Variants in SMPD3 observed in about 807,000 individuals in gnomAD.
SMPD3 encodes nSMase-2.
Under a neutral mutation model 55.7 loss-of-function variants are expected in SMPD3, and 21 were observed. That is an observed-to-expected ratio of 0.38 (90% CI 0.27 to 0.54). The LOEUF (loss-of-function observed/expected upper bound fraction) is 0.54. Among genes scored for constraint, SMPD3 ranks in the 20% least tolerant of loss-of-function variants. The probability of loss-of-function intolerance (pLI) is 0.80; values close to 1 mark genes in which losing one functional copy is unlikely to be tolerated. For missense variants in SMPD3, 842 were observed against 899.6 expected, an observed-to-expected ratio of 0.94 and a Z score of 0.82; for synonymous variants, 457 against 404.3, an observed-to-expected ratio of 1.13 and a Z score of -1.56.
rs535574768 is a variant in SMPD3, at chr16:68,361,465, A to G, written c.1866+138T>C. ...GGGGCCTGGAGGACCTGGGGCCCTA[A>G]GGGTCTGAGGGAGTGATGGGTATCA... On this transcript the variant is annotated intron_variant, in intron 8 of 8. Transcript: ENST00000219334. The G allele has an allele frequency of 1.3e-5, 19 of 1,412,436 alleles. No individual in the cohort carries two copies. In the East Asian group the frequency reaches 3.4e-4, roughly 25 times the overall value. 87.5% of individuals were successfully genotyped at this position (1,412,436 alleles called of 1,614,324 possible). A position where few individuals can be genotyped will look rare whatever the true frequency, so the allele number is the denominator to read the frequency against.
chr16:68,372,025 A>C lies in SMPD3; in HGVS notation c.157T>G (p.Cys53Gly). Residue 53 changes from cysteine (C) to glycine (G), a missense_variant, in exon 3 of 9, where the codon TGC (cysteine) becomes GGC (glycine). Around this residue, in one of 2 missense-constraint regions of SMPD3, gnomAD observed 193 missense variants for 256.0 expected, o/e 0.75. Transcript: ENST00000219334. The part of the protein sequence containing the change: ...YEKRQRADDP[C>G]CLQLLCTALF... ...GCAGTGCAGAGCAGCTGCAGGCAGC[A>C]CGGGTCGTCTGCCCGCTGGCGCTTC... 6.2e-7 allele frequency: 1 copy of C among 1,611,324 alleles called. No homozygotes were observed. Among genetic ancestry groups the C allele is most frequent in the East Asian group, 2.2e-5 (1 of 44,744 alleles).
intron 1 of SMPD3, among the ~76,000 whole-genome samples, chr16:68,387,032 C>T (rs1017702077): frequency 2.0e-5 from 3 of 152,100 alleles, no homozygotes; most frequent in Non-Finnish European, 4.4e-5. Flanking sequence ...TCAAAAGCTC[C>T]AGCTGCAGGG....
chr16:68,437,014 C>A (rs1219623336), intron 1 of SMPD3, among the ~76,000 whole-genome samples: 2 of 152,208 alleles, frequency 1.3e-5, no homozygotes, highest in Non-Finnish European at 2.9e-5. Flanking sequence ...ACATTAATTC[C>A]AGAGGCGTGA....
Position 68,361,654 on chromosome 16 carries a change from G to A in SMPD3, c.1815C>T (p.Arg605=), listed in dbSNP as rs901426239. Reference sequence around the variant, plus strand: ...CCTCTGCATGCAGCATGTAGTCGATGCGCCGGCCGTTGCCCTTCAGCAGCT... The same window carrying A: ...CCTCTGCATGCAGCATGTAGTCGATACGCCGGCCGTTGCCCTTCAGCAGCT... ...RKELLKGNGR[R]IDYMLHAEEG... Residue 605 remains arginine (R), a synonymous_variant, in exon 8 of 9, where the codon CGC becomes CGT. Coordinates refer to ENST00000219334, the MANE Select transcript of SMPD3 (RefSeq NM_018667.4). 2 of 1,612,010 alleles carry A rather than the reference G, an allele frequency of 1.2e-6. No individual in the cohort carries two copies. The highest frequency in any genetic ancestry group is 2.2e-5 in the South Asian group (2 of 91,088).
At position 68,372,092 on chromosome 16, in the gene SMPD3, C is replaced by T. The variant is rs1381693553; in HGVS notation, c.90G>A (p.Leu30=). The T allele has an allele frequency of 6.2e-7, 1 of 1,612,262 alleles. No homozygotes were observed. Among genetic ancestry groups the T allele is most frequent in the Non-Finnish European group, 8.5e-7 (1 of 1,179,390 alleles). ...SWALIFPCYW[L]VDRLAASFIP... is the part of the protein sequence containing the mutation. ...TGAAGGAGGCAGCGAGCCGGTCCAC[C>T]AGCCAGTAGCATGGAAAGATAAGGG... Residue 30 remains leucine, a synonymous_variant, in exon 3 of 9, where the codon CTG becomes CTA. Coordinates refer to ENST00000219334, the MANE Select transcript of SMPD3 (RefSeq NM_018667.4).
At chr16:68,400,727 C>T (rs746683776) in intron 1 of SMPD3, among the ~76,000 whole-genome samples, 11 of 152,322 alleles carry the variant, frequency 7.2e-5, no homozygotes, top group East Asian at 1.9e-4. Context: ...GCCTCTCCAG[C>T]CCCGACAAAG....
At chr16:68,366,375 C>T (rs1044975869) in intron 3 of SMPD3, among the ~76,000 whole-genome samples, 6 of 152,230 alleles carry the variant, frequency 3.9e-5, no homozygotes, top group African/African-American at 1.2e-4. Flanking sequence ...CCCTAATGCA[C>T]AGCCTTCCTT....
intron 1 of SMPD3, among the ~76,000 whole-genome samples, chr16:68,419,894 G>A (rs1401929905): frequency 6.6e-6 from 1 of 152,110 alleles, no homozygotes; most frequent in Non-Finnish European, 1.5e-5. Context: ...GGAACTTGGA[G>A]GTCACTTTGT....
chr16:68,443,074 C>A (rs1443055076), intron 1 of SMPD3, among the ~76,000 whole-genome samples: 1 of 152,212 alleles, frequency 6.6e-6, no homozygotes, highest in Admixed American at 6.5e-5. Flanking sequence ...TCATTCCTTT[C>A]TACCCTCTTT....
At chr16:68,417,084 C>T (rs2090345746) in intron 1 of SMPD3, among the ~76,000 whole-genome samples, 1 of 152,172 alleles carries the variant, frequency 6.6e-6, no homozygotes, top group South Asian at 2.1e-4. Flanking sequence ...AGGCATTGCC[C>T]TCAGCTGAGG....
At chr16:68,396,702 G>T (rs764970019) in intron 1 of SMPD3, among the ~76,000 whole-genome samples, 2 of 152,184 alleles carry the variant, frequency 1.3e-5, no homozygotes, top group African/African-American at 2.4e-5. Flanking sequence ...TCACCAGAAG[G>T]TTCGATTCCC....
chr16:68,391,320 A>G (rs2090109174), intron 1 of SMPD3, among the ~76,000 whole-genome samples: 1 of 152,232 alleles, frequency 6.6e-6, no homozygotes, highest in Admixed American at 6.5e-5. Flanking sequence ...ATGATTACAT[A>G]TGAAGCCCAT....
intron 2 of SMPD3, among the ~76,000 whole-genome samples, chr16:68,377,576 A>T (rs1000641266): frequency 6.6e-6 from 1 of 152,038 alleles, no homozygotes; most frequent in African/African-American, 2.4e-5. Flanking sequence ...CTCCCTAGAC[A>T]CTGGCCTGAG....
chr16:68,362,752 C>T (rs2089349127), intron 7 of SMPD3, among the ~76,000 whole-genome samples: 3 of 152,232 alleles, frequency 2.0e-5, no homozygotes, highest in Admixed American at 2.0e-4. Flanking sequence ...AAATGGAATC[C>T]ATCACTGTCC....
intron 1 of SMPD3, among the ~76,000 whole-genome samples, chr16:68,422,479 T>C (rs997946268): frequency 6.6e-6 from 1 of 152,242 alleles, no homozygotes; most frequent in African/African-American, 2.4e-5. Context: ...AAACAGAGTA[T>C]AGTAAAGTGC....
At chr16:68,364,413 C>G in intron 5 of SMPD3, 1 of 276,576 alleles carries the variant, frequency 3.6e-6, no homozygotes. Context: ...TTAAGTGAAA[C>G]AGCGATAGAA....
rs762668604 is a variant in SMPD3, at chr16:68,371,328, T to TGG, written c.853_854insCC (p.Gln285ProfsTer20). 1 of 1,595,570 alleles carries TGG rather than the reference T, an allele frequency of 6.3e-7. No individual in the cohort carries two copies. The highest frequency in any genetic ancestry group is 1.3e-5 in the African/African-American group (1 of 74,890). On this transcript the variant is annotated frameshift_variant, in exon 3 of 9. Coordinates refer to ENST00000219334, the MANE Select transcript of SMPD3 (RefSeq NM_018667.4). LOFTEE classifies it high-confidence loss of function. ...GCCCAGGCTCCCTGAATCCCCGTCC[T>TGG]GCTGATTATGGTTGGGCGTCTGGCC... is the stretch of plus-strand genomic sequence containing the variant.
chr16:68,389,265 G>A (rs897564505), intron 1 of SMPD3, among the ~76,000 whole-genome samples: 1 of 152,178 alleles, frequency 6.6e-6, no homozygotes, highest in Non-Finnish European at 1.5e-5. Flanking sequence ...AGCCAGCAGT[G>A]GTCCCAAGCA....
chr16:68,380,616 C>A (rs1472538645), intron 2 of SMPD3, among the ~76,000 whole-genome samples: 1 of 152,170 alleles, frequency 6.6e-6, no homozygotes, highest in Non-Finnish European at 1.5e-5. Context: ...CCACCTCTGC[C>A]CTTCATAGGA....
Sources: allele counts gnomAD v4.1 joint callset (sites outside exome capture counted in the v4.1 genomes callset), GRCh38; gene constraint gnomAD v4.1.1; regional missense constraint gnomAD v4.1.1; transcripts MANE v1.5; gene names NCBI Gene and HGNC (gene_info 2026-07-23, HGNC 2026-07-21).